Variants in DAAM2 observed in about 807,000 individuals in gnomAD.
The protein encoded by DAAM2 is disheveled-associated activator of morphogenesis 2.
Under a neutral mutation model 120.7 loss-of-function variants are expected in DAAM2, and 39 were observed. The observed-to-expected ratio is 0.32, with a 90% CI of 0.25 to 0.42. The LOEUF is 0.42. Among genes scored for constraint, DAAM2 ranks in the 10% least tolerant of loss-of-function variants. The pLI is 1.00. For synonymous variants in DAAM2, 488 were observed against 524.9 expected, an observed-to-expected ratio of 0.93 and a Z score of 0.96; for missense variants, 1,283 against 1,401.7, an observed-to-expected ratio of 0.92 and a Z score of 1.35.
At chr6:39,805,165 C>T (rs1331081431) in intron 1 of DAAM2, among the ~76,000 whole-genome samples, 1 of 152,174 alleles carries the variant, frequency 6.6e-6, no homozygotes, top group Admixed American at 6.5e-5. Flanking sequence ...CATCTAAGGG[C>T]TTGTGTGCTT....
chr6:39,858,728 G>A (rs1487085573), intron 2 of DAAM2, among the ~76,000 whole-genome samples: 1 of 152,182 alleles, frequency 6.6e-6, no homozygotes, highest in Non-Finnish European at 1.5e-5. Context: ...ACGTACTGGA[G>A]ACAGTGGGGC....
chr6:39,794,853 T>C (rs1412812576), intron 1 of DAAM2, among the ~76,000 whole-genome samples: 1 of 152,206 alleles, frequency 6.6e-6, no homozygotes, highest in Non-Finnish European at 1.5e-5. Context: ...AATGTTCTCA[T>C]TCATTTCCAT....
At chr6:39,870,803 C>T (rs1478920013) in intron 8 of DAAM2, among the ~76,000 whole-genome samples, 14 of 152,232 alleles carry the variant, frequency 9.2e-5, no homozygotes, top group Non-Finnish European at 2.9e-5. Flanking sequence ...CCCGCAGTAC[C>T]TTCCTGCTCA....
chr6:39,856,535 G>A (rs1186500269), intron 2 of DAAM2, 65 bp downstream of exon 2: 2 of 1,291,380 alleles, frequency 1.5e-6, no homozygotes, highest in Non-Finnish European at 2.0e-6. Flanking sequence ...GGCAGAGCTG[G>A]ACAGAGGGCA....
rs1175503160 is a variant in DAAM2 at position 39,857,991 on chromosome 6, TGTATTCTA to T, written c.168+1523_168+1530del. On this transcript the variant is annotated intron_variant, in intron 2 of 24. Coordinates refer to ENST00000274867, the MANE Select transcript of DAAM2 (RefSeq NM_001201427.2). ...GGCATGGGAGTGTCTAGCAGGGAGCTGTATTCTAGACTGGGAGAAGTCACAGTGGCCTC... is the reference window on the plus strand; with the variant it reads ...GGCATGGGAGTGTCTAGCAGGGAGCTGACTGGGAGAAGTCACAGTGGCCTC... Among the ~76,000 whole-genome samples the T allele has an allele frequency of 2.6e-5, 4 of 151,938 alleles. No homozygotes were observed. In the East Asian group the frequency reaches 7.8e-4, roughly 30 times the overall value.
chr6:39,818,076 G>A (rs755174716), intron 1 of DAAM2, among the ~76,000 whole-genome samples: 33 of 151,718 alleles, frequency 2.2e-4, no homozygotes, highest in Admixed American at 7.9e-4. Context: ...CTATTTGGGA[G>A]GCTGAGGCAG....
At chr6:39,885,227 T>G (rs1765323185) in intron 15 of DAAM2, 1 of 152,242 alleles carries the variant, frequency 6.6e-6, no homozygotes, top group South Asian at 2.1e-4. Context: ...GATTGCTTAT[T>G]TAATTTAAAT....
intron 1 of DAAM2, among the ~76,000 whole-genome samples, chr6:39,851,014 G>A (rs573260750): frequency 6.6e-6 from 1 of 152,294 alleles, no homozygotes; most frequent in South Asian, 2.1e-4. Context: ...CATAGAGCAA[G>A]CCATGTAACA....
intron 1 of DAAM2, among the ~76,000 whole-genome samples, chr6:39,852,284 C>T (rs1763836622): frequency 6.6e-6 from 1 of 152,206 alleles, no homozygotes; most frequent in Non-Finnish European, 1.5e-5. Flanking sequence ...CTCATTGTTC[C>T]TCTTCTAAAG....
At chr6:39,832,917 C>T (rs1289494936) in intron 1 of DAAM2, among the ~76,000 whole-genome samples, 3 of 152,146 alleles carry the variant, frequency 2.0e-5, no homozygotes, top group Non-Finnish European at 4.4e-5. Context: ...CTGGCTCTGC[C>T]AGGACGTCCA....
intron 1 of DAAM2, among the ~76,000 whole-genome samples, chr6:39,852,455 A>G (rs1763842468): frequency 6.6e-6 from 1 of 152,174 alleles, no homozygotes; most frequent in Non-Finnish European, 1.5e-5. Context: ...GGGTGACTTC[A>G]TAAATCTGGC....
intron 2 of DAAM2, among the ~76,000 whole-genome samples, chr6:39,859,313 G>T (rs938703149): frequency 6.6e-6 from 1 of 152,184 alleles, no homozygotes; most frequent in Admixed American, 6.5e-5. Flanking sequence ...GAAATGTAAG[G>T]TGCATATAAC....
Position 39,860,986 on chromosome 6 carries a change from A to C in DAAM2, c.227A>C (p.Lys76Thr). Reference sequence around the variant, plus strand: ...GCTATGTTTGCACTGCCCCCTGAGAAGAAATGGCAGATCTACTGCAGCAAG... The same window carrying C: ...GCTATGTTTGCACTGCCCCCTGAGACGAAATGGCAGATCTACTGCAGCAAG... ...REAMFALPPE[K>T]KWQIYCSKKK... Residue 76 changes from lysine to threonine, a missense_variant, in exon 3 of 25, where the codon AAG becomes ACG. Transcript: ENST00000274867. 1 of 1,612,750 alleles carries C rather than the reference A, an allele frequency of 6.2e-7. No individual in the cohort carries two copies. Among genetic ancestry groups the C allele is most frequent in the African/African-American group, 1.3e-5 (1 of 75,008 alleles).
intron 2 of DAAM2, among the ~76,000 whole-genome samples, chr6:39,858,902 G>A (rs1278636417): frequency 6.6e-6 from 1 of 152,094 alleles, no homozygotes; most frequent in Admixed American, 6.5e-5. Flanking sequence ...GGAAGCCCAC[G>A]CAGGAACATA....
intron 1 of DAAM2, among the ~76,000 whole-genome samples, chr6:39,833,687 A>G (rs1245511064): frequency 2.6e-5 from 4 of 152,070 alleles, no homozygotes; most frequent in African/African-American, 9.7e-5. Context: ...TCTATGCACC[A>G]TTTTGTTCTG....
chr6:39,883,184 CTTTTT>C (rs34461870), intron 14 of DAAM2, among the ~76,000 whole-genome samples: 11 of 141,586 alleles, frequency 7.8e-5, no homozygotes, highest in Non-Finnish European at 6.2e-5. Flanking sequence ...ACTGCCAGGG[CTTTTT>C]TTTTTTTTTT....
chr6:39,838,489 T>C (rs1423999516), intron 1 of DAAM2, among the ~76,000 whole-genome samples: 3 of 152,250 alleles, frequency 2.0e-5, no homozygotes, highest in East Asian at 3.9e-4. Flanking sequence ...GAGAGTGGGC[T>C]GGTTGGTCGA....
chr6:39,795,845 A>T (rs982762847), intron 1 of DAAM2, among the ~76,000 whole-genome samples: 1 of 152,154 alleles, frequency 6.6e-6, no homozygotes, highest in Non-Finnish European at 1.5e-5. Context: ...CTGGCCTAGA[A>T]ATCACTCTTG....
intron 7 of DAAM2, among the ~76,000 whole-genome samples, chr6:39,870,105 G>T (rs147181522): frequency 7.0e-4 from 106 of 152,258 alleles, no homozygotes; most frequent in Non-Finnish European, 1.0e-3. Flanking sequence ...ACTGGCAAGG[G>T]GCTTGAAGGA....
Sources: gnomAD v4.1 joint callset for allele counts (sites outside exome capture counted in the v4.1 genomes callset) on GRCh38, gnomAD v4.1.1 for gene constraint, MANE v1.5 for transcripts, NCBI Gene and HGNC (gene_info 2026-07-23, HGNC 2026-07-21) for gene names.